The following SLIT3 variants were observed in gnomAD, a reference collection of about 807,000 sequenced individuals.
SLIT3 encodes slit homolog 3 protein.
Under a neutral mutation model 184.0 loss-of-function variants are expected in SLIT3, and 68 were observed. The ratio of observed to expected loss-of-function variants is 0.37; its 90% CI spans 0.30 to 0.45. The LOEUF (loss-of-function observed/expected upper bound fraction) is 0.45. Among genes scored for constraint, SLIT3 ranks in the 20% least tolerant of loss-of-function variants. SLIT3 has a pLI of 1.00. For synonymous variants in SLIT3, 831 were observed against 828.6 expected, an observed-to-expected ratio of 1.00 and a Z score of -0.05; for missense variants, 1,707 against 2,026.0, an observed-to-expected ratio of 0.84 and a Z score of 3.02.
chr5:169,266,032 G>A (rs779045379), intron 1 of SLIT3, among the ~76,000 whole-genome samples: 43 of 152,180 alleles, frequency 2.8e-4, no homozygotes, highest in Non-Finnish European at 5.6e-4. Context: ...AATGACTTAA[G>A]GCAACGTATT....
intron 11 of SLIT3, among the ~76,000 whole-genome samples, chr5:168,787,854 G>A (rs1756214081): frequency 6.6e-6 from 1 of 152,116 alleles, no homozygotes; most frequent in Non-Finnish European, 1.5e-5. Context: ...GATTGTGTGT[G>A]CTTGTGTTCA....
intron 4 of SLIT3, among the ~76,000 whole-genome samples, chr5:168,918,395 T>C (rs1188037942): frequency 2.0e-5 from 3 of 152,100 alleles, no homozygotes; most frequent in African/African-American, 4.8e-5. Context: ...AAAAATAAAA[T>C]GAAATTTAAA....
chr5:168,805,229 A>G (rs1756914111), intron 9 of SLIT3, among the ~76,000 whole-genome samples: 1 of 152,140 alleles, frequency 6.6e-6, no homozygotes, highest in South Asian at 2.1e-4. Flanking sequence ...ACAGATGTTT[A>G]CTGAATGAAT....
chr5:169,119,660 A>T (rs1328910756), intron 4 of SLIT3, among the ~76,000 whole-genome samples: 1 of 152,206 alleles, frequency 6.6e-6, no homozygotes, highest in Admixed American at 6.5e-5. Flanking sequence ...AGACTCATGC[A>T]GGAGGAAAGA....
intron 20 of SLIT3, among the ~76,000 whole-genome samples, chr5:168,738,284 T>C (rs1230213400): frequency 6.6e-6 from 1 of 152,142 alleles, no homozygotes; most frequent in Non-Finnish European, 1.5e-5. Flanking sequence ...AGGACATCGC[T>C]ACCAAATGAA....
chr5:169,139,576 G>A (rs545100277), intron 4 of SLIT3, among the ~76,000 whole-genome samples: 3 of 152,262 alleles, frequency 2.0e-5, no homozygotes, highest in Non-Finnish European at 4.4e-5. Flanking sequence ...ACTCCTTCCA[G>A]CACTAGCCCA....
At chr5:168,782,831 G>T (rs1187768062) in intron 12 of SLIT3, among the ~76,000 whole-genome samples, 2 of 152,258 alleles carry the variant, frequency 1.3e-5, no homozygotes, top group South Asian at 2.1e-4. Flanking sequence ...GACAATAAGG[G>T]TTGCTAGTAA....
intron 5 of SLIT3, among the ~76,000 whole-genome samples, chr5:168,882,823 G>A (rs1760007623): frequency 6.6e-6 from 1 of 152,174 alleles, no homozygotes; most frequent in South Asian, 2.1e-4. Context: ...ATTAATAAGA[G>A]TGAGAGCTTC....
At chr5:168,716,576 C>T (rs1469210790) in intron 23 of SLIT3, among the ~76,000 whole-genome samples, 2 of 152,276 alleles carry the variant, frequency 1.3e-5, no homozygotes, top group Non-Finnish European at 2.9e-5. Flanking sequence ...AGGGTAGAAG[C>T]CTGAAAGTGT....
chr5:169,268,156 C>T (rs1287994650), intron 1 of SLIT3, among the ~76,000 whole-genome samples: 3 of 152,134 alleles, frequency 2.0e-5, no homozygotes, highest in African/African-American at 7.2e-5. Context: ...ATTTGATGCA[C>T]ATTTGGGAAG....
chr5:169,219,891 C>A (rs1219543619), intron 3 of SLIT3, among the ~76,000 whole-genome samples: 1 of 152,132 alleles, frequency 6.6e-6, no homozygotes, highest in Non-Finnish European at 1.5e-5. Flanking sequence ...CTTTTGAGAT[C>A]TCGAAAAGTC....
At chr5:168,798,526 G>A (rs1419289398) in intron 9 of SLIT3, among the ~76,000 whole-genome samples, 2 of 152,074 alleles carry the variant, frequency 1.3e-5, no homozygotes, top group African/African-American at 4.8e-5. Context: ...ACCACGCCTG[G>A]CCTGGGTTTC....
intron 4 of SLIT3, among the ~76,000 whole-genome samples, chr5:168,953,262 C>T (rs927582370): frequency 3.3e-5 from 5 of 152,168 alleles, no homozygotes; most frequent in Admixed American, 2.0e-4. Flanking sequence ...CAAATCAGTG[C>T]GACCTTCATG....
intron 28 of SLIT3, among the ~76,000 whole-genome samples, chr5:168,693,426 G>A (rs193074496): frequency 9.1e-4 from 138 of 152,274 alleles, no homozygotes; most frequent in African/African-American, 3.2e-3. Flanking sequence ...AATACCTAAC[G>A]GTCATAAACA....
At chr5:168,823,465 C>A in intron 6 of SLIT3, 134 bp from the exon 7 acceptor site, 1 of 751,428 alleles carries the variant, frequency 1.3e-6, no homozygotes. Context: ...GCCAGTGGAG[C>A]AGCTGAAGAC....
intron 4 of SLIT3, among the ~76,000 whole-genome samples, chr5:169,117,140 C>A (rs1282517688): frequency 6.6e-6 from 1 of 152,136 alleles, no homozygotes; most frequent in Non-Finnish European, 1.5e-5. Context: ...TCACAAGTAG[C>A]GTGGAATGAG....
chr5:169,247,024 T>A (rs996328915), intron 2 of SLIT3, among the ~76,000 whole-genome samples: 2 of 148,290 alleles, frequency 1.3e-5, no homozygotes, highest in African/African-American at 5.0e-5. Context: ...AGGTCAGGAG[T>A]TCGAGACCAG....
chr5:168,934,106 T>C (rs1488868255), intron 4 of SLIT3, among the ~76,000 whole-genome samples: 2 of 152,214 alleles, frequency 1.3e-5, no homozygotes, highest in Non-Finnish European at 2.9e-5. Flanking sequence ...CTCCACCTGC[T>C]TCCCGGAAGC....
At chr5:169,200,062 T>C (rs1283995758) in intron 3 of SLIT3, among the ~76,000 whole-genome samples, 1 of 152,206 alleles carries the variant, frequency 6.6e-6, no homozygotes, top group Non-Finnish European at 1.5e-5. Context: ...TCTGTCTTCA[T>C]CATTCAGAAA....
Sources: allele counts gnomAD v4.1 joint callset (sites outside exome capture counted in the v4.1 genomes callset), GRCh38; gene constraint gnomAD v4.1.1; transcripts MANE v1.5; gene names NCBI Gene and HGNC (gene_info 2026-07-23, HGNC 2026-07-21).